IQGAP1: variants seen among roughly 807,000 people sequenced by gnomAD.
IQGAP1 encodes the protein ras GTPase-activating-like protein IQGAP1.
A neutral mutation model predicts 215.6 loss-of-function variants in IQGAP1; 66 were observed. That is an observed-to-expected ratio of 0.31 (90% confidence interval 0.25 to 0.38). IQGAP1 has a LOEUF of 0.38. Ranked by LOEUF, IQGAP1 falls within the 10% of genes least tolerant of loss-of-function variation. The pLI is 1.00. For missense variants in IQGAP1, 1,712 were observed against 1,997.1 expected (o/e 0.86, Z 2.72); for synonymous variants, 772 against 728.7 (o/e 1.06, Z -0.96).
At chr15:90,475,775 A>T (rs1028851803) in intron 23 of IQGAP1, 2 of 147,856 alleles carry the variant, frequency 1.4e-5, no homozygotes, top group Non-Finnish European at 3.0e-5. Flanking sequence ...AAAAAAAAAA[A>T]TTATTTAAGA....
chr15:90,430,926 TAA>T (rs1965293235), intron 4 of IQGAP1, among the ~76,000 whole-genome samples: 1 of 148,282 alleles, frequency 6.7e-6, no homozygotes, highest in Admixed American at 6.8e-5. Context: ...ATTATATAGA[TAA>T]ATATATGACT....
intron 11 of IQGAP1, among the ~76,000 whole-genome samples, chr15:90,450,354 T>TTTTTTTTTTTTTC (rs1965585377): frequency 7.3e-6 from 1 of 137,132 alleles, no homozygotes; most frequent in Non-Finnish European, 1.5e-5. Context: ...TTTTTTTTTT[T>TTTTTTTTTTTTTC]TTTTTTTTTA....
At chr15:90,498,814 AT>A (rs34853230) in intron 37 of IQGAP1, among the ~76,000 whole-genome samples, 25 of 139,806 alleles carry the variant, frequency 1.8e-4, no homozygotes, top group East Asian at 8.5e-4. Context: ...CGCCCGGCTA[AT>A]TTTTTTTTTT....
At chr15:90,418,430 T>C (rs1283920263) in intron 2 of IQGAP1, among the ~76,000 whole-genome samples, 1 of 151,484 alleles carries the variant, frequency 6.6e-6, no homozygotes, top group Non-Finnish European at 1.5e-5. Flanking sequence ...CTACAAATAA[T>C]TTTAAAAATT....
At chr15:90,431,641 G>T (rs930134489) in intron 4 of IQGAP1, among the ~76,000 whole-genome samples, 1 of 151,952 alleles carries the variant, frequency 6.6e-6, no homozygotes, top group Admixed American at 6.6e-5. Context: ...AGGCTTTCAG[G>T]AACAACTTGA....
intron 4 of IQGAP1, among the ~76,000 whole-genome samples, chr15:90,432,402 A>G (rs1320364687): frequency 6.6e-6 from 1 of 152,034 alleles, no homozygotes; most frequent in Non-Finnish European, 1.5e-5. Flanking sequence ...CCCATCTCCC[A>G]TTATTCAACA....
chr15:90,459,506 C>T (rs1440714631), intron 15 of IQGAP1, among the ~76,000 whole-genome samples: 5 of 152,108 alleles, frequency 3.3e-5, no homozygotes, highest in South Asian at 2.1e-4. Flanking sequence ...TTTGGGTCAT[C>T]GGAGTAAAAC....
intron 15 of IQGAP1, among the ~76,000 whole-genome samples, chr15:90,465,030 A>G (rs114052854): frequency 0.015 from 2,240 of 152,322 alleles, 45 homozygotes; most frequent in African/African-American, 0.051. Flanking sequence ...ATCTCTATCC[A>G]CAATAGTCAA....
chr15:90,403,932 C>T (rs1051794168), intron 2 of IQGAP1, among the ~76,000 whole-genome samples: 8 of 152,172 alleles, frequency 5.3e-5, no homozygotes, highest in African/African-American at 1.9e-4. Flanking sequence ...GCCTTGGCCT[C>T]CCTAAGTGTT....
At chr15:90,472,788 T>A in intron 18 of IQGAP1, 52 bp from the exon 19 acceptor site, 1 of 1,533,940 alleles carries the variant, frequency 6.5e-7, no homozygotes, top group South Asian at 1.2e-5. Flanking sequence ...CGTGAAAACC[T>A]GCATCCATTC....
chr15:90,410,851 A>G (rs1020386943), intron 2 of IQGAP1, among the ~76,000 whole-genome samples: 8 of 151,914 alleles, frequency 5.3e-5, no homozygotes, highest in African/African-American at 1.7e-4. Flanking sequence ...AATAAAAAAA[A>G]AAAAAAAGAA....
chr15:90,440,590 T>C lies in IQGAP1; in HGVS notation c.624T>C (p.Asn208=), dbSNP rs1446809327. ...AFSKIGGILA[N]ELSVDEAALH... is the part of the protein sequence containing the mutation. The stretch of plus-strand genomic sequence containing the variant: ...GCAAGATTGGGGGCATCTTGGCTAA[T>C]GAACTGTCAGTGGATGAAGCCGCAT... The change falls in exon 7 of 38, where the codon AAT becomes AAC. Residue 208 remains asparagine, a synonymous_variant. Coordinates refer to ENST00000268182, the MANE Select transcript of IQGAP1 (RefSeq NM_003870.4). The C allele has an allele frequency of 1.3e-6, 2 of 1,565,540 alleles. No individual in the cohort carries two copies. Among genetic ancestry groups the C allele is most frequent in the Non-Finnish European group, 1.7e-6 (2 of 1,153,316 alleles).
intron 2 of IQGAP1, among the ~76,000 whole-genome samples, chr15:90,413,693 C>G (rs947716603): frequency 3.3e-5 from 5 of 152,158 alleles, no homozygotes; most frequent in African/African-American, 1.2e-4. Context: ...CTTCTAAATT[C>G]CTCAGATAAG....
intron 2 of IQGAP1, among the ~76,000 whole-genome samples, chr15:90,415,464 T>C (rs900720494): frequency 6.6e-5 from 10 of 152,214 alleles, no homozygotes; most frequent in African/African-American, 2.4e-4. Flanking sequence ...TGATTTCTGC[T>C]TCTGTAGTAG....
chr15:90,395,335 T>G (rs995993492), intron 2 of IQGAP1, among the ~76,000 whole-genome samples: 2 of 152,182 alleles, frequency 1.3e-5, no homozygotes, highest in African/African-American at 4.8e-5. Context: ...TTTTGTTTTT[T>G]TTTGAAACGG....
intron 17 of IQGAP1, 57 bp downstream of exon 17, chr15:90,466,493 G>C: frequency 6.4e-3 from 7,363 of 1,146,066 alleles, no homozygotes; most frequent in Non-Finnish European, 8.9e-3. Context: ...TATATGAGGG[G>C]ACAGATGTAG....
chr15:90,469,917 G>A (rs1357108272), intron 18 of IQGAP1, among the ~76,000 whole-genome samples: 1 of 152,194 alleles, frequency 6.6e-6, no homozygotes, highest in Non-Finnish European at 1.5e-5. Flanking sequence ...AGGAGTGGCA[G>A]GACAAGAGGC....
chr15:90,438,108 T>C (rs535063317), intron 5 of IQGAP1, among the ~76,000 whole-genome samples: 1 of 152,354 alleles, frequency 6.6e-6, no homozygotes, highest in South Asian at 2.1e-4. Context: ...GATGCGTGTT[T>C]GTATTTAGAT....
At position 90,482,203 on chromosome 15, in the gene IQGAP1, G is replaced by A; in HGVS notation, c.3477G>A (p.Gly1159=). The change falls in exon 28 of 38, where the codon GGG becomes GGA. Residue 1159 remains glycine (G), a synonymous_variant. Coordinates refer to ENST00000268182, the MANE Select transcript of IQGAP1 (RefSeq NM_003870.4). ...IVSSVDKIPY[G]MRFIAKVLKD... Reference sequence around the variant, plus strand: ...AGTTTTGTCCATCCCGCAGTTATGGGATGCGCTTCATTGCCAAAGTGCTGA... The same window carrying A: ...AGTTTTGTCCATCCCGCAGTTATGGAATGCGCTTCATTGCCAAAGTGCTGA... 1 of 1,614,214 alleles carries A rather than the reference G, an allele frequency of 6.2e-7. No individual in the cohort carries two copies. The highest frequency in any genetic ancestry group is 8.5e-7 in the Non-Finnish European group (1 of 1,180,028).
Sources: gnomAD v4.1 joint callset for allele counts (sites outside exome capture counted in the v4.1 genomes callset) on GRCh38, gnomAD v4.1.1 for gene constraint, MANE v1.5 for transcripts, NCBI Gene and HGNC (gene_info 2026-07-23, HGNC 2026-07-21) for gene names.